The following DPP10 variants were observed in gnomAD, a reference collection of about 807,000 sequenced individuals.
The protein encoded by DPP10 is inactive dipeptidyl peptidase 10.
DPP10 carries 33 observed loss-of-function variants against 120.9 expected under a neutral mutation model. The ratio of observed to expected loss-of-function variants is 0.27; its 90% CI spans 0.21 to 0.37. The LOEUF (loss-of-function observed/expected upper bound fraction) is 0.37. DPP10 is among the 10% of genes least tolerant of loss of function. The probability of loss-of-function intolerance (pLI) is 1.00; values close to 1 mark genes in which losing one functional copy is unlikely to be tolerated. For synonymous variants in DPP10, 337 were observed against 326.1 expected (o/e 1.03, Z -0.36); for missense variants, 816 against 942.8 (o/e 0.87, Z 1.76).
intron 19 of DPP10, among the ~76,000 whole-genome samples, chr2:115,793,205 A>G (rs951538943): frequency 1.3e-5 from 2 of 152,122 alleles, no homozygotes; most frequent in Non-Finnish European, 2.9e-5. Flanking sequence ...TTGGAGCAAA[A>G]TGCTGGTTTT....
chr2:115,216,645 G>T (rs765050106), intron 1 of DPP10, among the ~76,000 whole-genome samples: 1 of 151,932 alleles, frequency 6.6e-6, no homozygotes, highest in Admixed American at 6.6e-5. Context: ...TCAGCCAGGT[G>T]TGCTGGCGGG....
At chr2:115,415,879 A>ATG (rs1193942986) in intron 3 of DPP10, among the ~76,000 whole-genome samples, 1 of 114,714 alleles carries the variant, frequency 8.7e-6, no homozygotes, top group African/African-American at 3.8e-5. Flanking sequence ...ATATATATGC[A>ATG]CACACACACA....
chr2:115,274,707 G>T (rs183413512), intron 1 of DPP10, among the ~76,000 whole-genome samples: 53 of 152,288 alleles, frequency 3.5e-4, no homozygotes, highest in Admixed American at 5.9e-4. Flanking sequence ...AACTCAGATT[G>T]AATGTGAATT....
intron 1 of DPP10, among the ~76,000 whole-genome samples, chr2:114,566,362 AAT>A (rs1491179241): frequency 1.0e-3 from 159 of 152,254 alleles, no homozygotes; most frequent in African/African-American, 3.7e-3. Flanking sequence ...CATTTAAAAA[AAT>A]AAATTTGTAT....
At chr2:114,492,793 G>C (rs2901039) in intron 1 of DPP10, among the ~76,000 whole-genome samples, 18,076 of 152,174 alleles carry the variant, frequency 0.12, 2,503 homozygotes, top group African/African-American at 0.34. Context: ...GGTACAGCTA[G>C]TAAAATTGTC....
intron 1 of DPP10, chr2:115,065,628 T>G (rs1051789540): frequency 2.0e-5 from 3 of 152,154 alleles, no homozygotes; most frequent in Non-Finnish European, 4.4e-5. Context: ...TGTGCGTGTG[T>G]ATGTGTGTGT....
At chr2:115,717,316 T>C (rs1022991426) in intron 7 of DPP10, among the ~76,000 whole-genome samples, 1 of 152,166 alleles carries the variant, frequency 6.6e-6, no homozygotes, top group Admixed American at 6.5e-5. Context: ...CACACCAACA[T>C]GGCACATGTA....
At chr2:115,680,037 T>C (rs1322825041) in intron 5 of DPP10, among the ~76,000 whole-genome samples, 1 of 152,006 alleles carries the variant, frequency 6.6e-6, no homozygotes, top group African/African-American at 2.4e-5. Context: ...TTTTAGGTGA[T>C]GAGTATGCTA....
Position 115,689,892 on chromosome 2 carries a change from G to A in DPP10, c.547G>A (p.Ala183Thr). 1 of 1,613,836 alleles carries A rather than the reference G, an allele frequency of 6.2e-7. No individual in the cohort carries two copies. The highest frequency in any genetic ancestry group is 8.5e-7 in the Non-Finnish European group (1 of 1,179,928). The change falls in exon 7 of 26, where the codon GCG becomes ACG. Residue 183 changes from alanine (A) to threonine (T), a missense_variant. Ala to Thr is a moderately conservative substitution (Grantham distance 58). Around this residue, in one of 3 missense-constraint regions of DPP10, gnomAD observed 42 missense variants for 86.4 expected, o/e 0.49. Coordinates refer to ENST00000410059, the MANE Select transcript of DPP10 (RefSeq NM_020868.6). ...PEVEDSVLQYAAWGVQGQQLI... is the reference protein window; with the variant it reads ...PEVEDSVLQYTAWGVQGQQLI... ...AGTAGAGGACTCCGTCTTGCAGTAC[G>A]CGGCCTGGGGTGTCCAAGGGCAGCA...
chr2:114,812,289 G>A (rs78760040), intron 1 of DPP10, among the ~76,000 whole-genome samples: 3,062 of 152,170 alleles, frequency 0.02, 121 homozygotes, highest in African/African-American at 0.07. Flanking sequence ...TAAAATGACG[G>A]TGTGAATCTT....
intron 1 of DPP10, among the ~76,000 whole-genome samples, chr2:115,072,471 T>G (rs1707445962): frequency 1.3e-5 from 2 of 152,194 alleles, no homozygotes; most frequent in South Asian, 4.1e-4. Flanking sequence ...CTGTAGTACA[T>G]TCAACATCGT....
intron 5 of DPP10, among the ~76,000 whole-genome samples, chr2:115,683,815 T>C (rs2090814078): frequency 6.6e-6 from 1 of 151,954 alleles, no homozygotes; most frequent in Non-Finnish European, 1.5e-5. Flanking sequence ...TTCCTCTATG[T>C]TGTATCATAG....
At chr2:115,681,163 AT>A (rs2090623524) in intron 5 of DPP10, among the ~76,000 whole-genome samples, 1 of 121,654 alleles carries the variant, frequency 8.2e-6, no homozygotes, top group Non-Finnish European at 1.9e-5. Context: ...AGGAATCAAA[AT>A]GTAAAATGTG....
chr2:114,479,340 G>T (rs1053143130), intron 1 of DPP10, among the ~76,000 whole-genome samples: 7 of 151,488 alleles, frequency 4.6e-5, no homozygotes, highest in Non-Finnish European at 1.0e-4. Flanking sequence ...CTGTTTTAAG[G>T]CTTACTGTAT....
chr2:115,371,384 T>A (rs908093058), intron 3 of DPP10, among the ~76,000 whole-genome samples: 1 of 152,182 alleles, frequency 6.6e-6, no homozygotes, highest in Non-Finnish European at 1.5e-5. Flanking sequence ...TCACCTTTTT[T>A]AAGAAACAAC....
chr2:115,137,255 G>T (rs1372682105), intron 1 of DPP10, among the ~76,000 whole-genome samples: 4 of 152,164 alleles, frequency 2.6e-5, no homozygotes, highest in Non-Finnish European at 5.9e-5. Context: ...TAAATAAATA[G>T]AACTTTAGAG....
intron 1 of DPP10, among the ~76,000 whole-genome samples, chr2:114,475,734 G>A (rs1025684734): frequency 3.3e-5 from 5 of 152,280 alleles, no homozygotes; most frequent in East Asian, 1.9e-4. Context: ...AAAATGCAAG[G>A]TATCACCTAG....
At chr2:115,736,533 A>G (rs1272339559) in intron 8 of DPP10, among the ~76,000 whole-genome samples, 1 of 152,154 alleles carries the variant, frequency 6.6e-6, no homozygotes, top group Admixed American at 6.5e-5. Flanking sequence ...TGTAAAGAGT[A>G]GTGCTGAACA....
intron 1 of DPP10, chr2:114,462,122 CATT>C (rs1211417213): frequency 1.0e-6 from 1 of 985,302 alleles, no homozygotes; most frequent in Non-Finnish European, 1.2e-6. Flanking sequence ...TGGAATGAAA[CATT>C]ATCCCGTAAC....
Sources: allele counts gnomAD v4.1 joint callset (sites outside exome capture counted in the v4.1 genomes callset), GRCh38; gene constraint gnomAD v4.1.1; regional missense constraint gnomAD v4.1.1; transcripts MANE v1.5; gene names NCBI Gene and HGNC (gene_info 2026-07-23, HGNC 2026-07-21).